Variants in UBE3D observed in about 807,000 individuals in gnomAD.
UBE3D encodes E3 ubiquitin-protein ligase E3D.
UBE3D carries 48 observed loss-of-function variants against 49.6 expected under a neutral mutation model. The ratio of observed to expected loss-of-function variants is 0.97; its 90% confidence interval spans 0.77 to 1.23. UBE3D has a LOEUF of 1.23. UBE3D is among the 50% of genes most tolerant of loss of function. The pLI is 0.00. For synonymous variants in UBE3D, 189 were observed against 174.2 expected, an observed-to-expected ratio of 1.08 and a Z score of -0.67; for missense variants, 452 against 468.4, an observed-to-expected ratio of 0.96 and a Z score of 0.32.
In UBE3D at chr6:82,892,829, C is replaced by T. The variant is rs1771034546; in HGVS notation, c.*193G>A. On this transcript the variant is annotated 3_prime_UTR_variant, in exon 10 of 10. Transcript: ENST00000369747. ...GACTTTCTTCACAGTCCTGGGTTTT[C>T]AAAGATCTAAAGTTAACTCTTCTCT... 3 of 669,826 alleles carry T rather than the reference C, an allele frequency of 4.5e-6. No homozygotes were observed. In the Admixed American group the frequency reaches 7.0e-5, roughly 16 times the overall value. 41.5% of individuals were successfully genotyped at this position (669,826 alleles called of 1,614,324 possible). A position where few individuals can be genotyped will look rare whatever the true frequency, so the allele number is the denominator to read the frequency against.
At position 82,979,713 on chromosome 6, in the gene UBE3D, A is replaced by G. The variant is rs186064984; in HGVS notation, c.1011-22263T>C. Among the ~76,000 whole-genome samples, 147 of 152,252 alleles carry G rather than the reference A, an allele frequency of 9.7e-4. 1 individual carries two copies. Among genetic ancestry groups the G allele is most frequent in the African/African-American group, 3.5e-3 (144 of 41,566 alleles). ...AGTGTATTCATCACCAAAATAATGT[A>G]CACTGTACAAATCAAGTAATTTCTC... On this transcript the variant is annotated intron_variant, in intron 8 of 9. Transcript: ENST00000369747.
chr6:82,923,027 T>A (rs536935792), intron 9 of UBE3D, among the ~76,000 whole-genome samples: 41 of 152,312 alleles, frequency 2.7e-4, no homozygotes, highest in African/African-American at 9.6e-4. Flanking sequence ...TCAAGCTAGT[T>A]AGAATGGCAA....
the UBE3D span, among the ~76,000 whole-genome samples, chr6:82,884,868 G>A: frequency 6.6e-6 from 1 of 152,172 alleles, no homozygotes; most frequent in Non-Finnish European, 1.5e-5. Context: ...AAGATTCCCG[G>A]TACTTTTGGA....
At chr6:82,963,589 T>G (rs1776706547) in intron 8 of UBE3D, among the ~76,000 whole-genome samples, 1 of 152,158 alleles carries the variant, frequency 6.6e-6, no homozygotes, top group South Asian at 2.1e-4. Context: ...GAGAAGCAGG[T>G]AGGCTGGGAG....
chr6:82,887,389 G>GTTTTTGTTTTGTTTTGTTTTTTTTTTTTT, the UBE3D span, among the ~76,000 whole-genome samples: 1 of 98,368 alleles, frequency 1.0e-5, no homozygotes, highest in African/African-American at 5.1e-5. Context: ...GACAGTAACA[G>GTTTTTGTTTTGTTTTGTTTTTTTTTTTTT]TTTTTTTTTT....
intron 8 of UBE3D, among the ~76,000 whole-genome samples, chr6:82,983,155 GT>G (rs5877831): frequency 0.83 from 111,931 of 134,800 alleles, 46,164 homozygotes; most frequent in East Asian, 0.92. Context: ...CTGGCTGAAA[GT>G]TTTTTTTTTT....
intron 8 of UBE3D, among the ~76,000 whole-genome samples, chr6:82,991,344 C>T (rs1159298006): frequency 6.6e-6 from 1 of 152,154 alleles, no homozygotes; most frequent in Non-Finnish European, 1.5e-5. Context: ...CCAAGGAACT[C>T]AATGATACCA....
At chr6:82,898,631 A>G (rs575427294) in intron 9 of UBE3D, among the ~76,000 whole-genome samples, 1 of 152,114 alleles carries the variant, frequency 6.6e-6, no homozygotes, top group East Asian at 1.9e-4. Context: ...GAACAATGAG[A>G]ACACATGGAC....
In UBE3D at chr6:83,044,429, A is replaced by T. The variant is rs1410052501; in HGVS notation, c.596T>A (p.Leu199Ter). ...ATTTATTTTGAAATGATATTTTACCAATTTACAATGGTTGTCAGAAGAAAC... is the reference window on the plus strand; with the variant it reads ...ATTTATTTTGAAATGATATTTTACCTATTTACAATGGTTGTCAGAAGAAAC... ...CCVSSDNHCKLEPKANTKVIC... is the reference protein window; with the variant it reads ...CCVSSDNHCK Residue 199 changes from leucine (L) to a stop codon, truncating the protein, a stop_gained and splice_region_variant, in exon 4 of 10, where the codon TTG (leucine) becomes TAG (stop). Coordinates refer to ENST00000369747, the MANE Select transcript of UBE3D (RefSeq NM_198920.3). LOFTEE classifies it high-confidence loss of function. The T allele has an allele frequency of 3.5e-5, 56 of 1,613,338 alleles. No homozygotes were observed. Among genetic ancestry groups the T allele is most frequent in the Non-Finnish European group, 4.7e-5 (56 of 1,179,516 alleles).
intron 9 of UBE3D, among the ~76,000 whole-genome samples, chr6:82,904,968 T>C (rs1389312852): frequency 6.6e-6 from 1 of 152,130 alleles, no homozygotes; most frequent in Non-Finnish European, 1.5e-5. Context: ...CTGGATTGTG[T>C]AGGGGGCGTC....
chr6:83,052,499 A>G (rs547055213), intron 3 of UBE3D, among the ~76,000 whole-genome samples: 4 of 152,306 alleles, frequency 2.6e-5, no homozygotes, highest in African/African-American at 9.6e-5. Context: ...GTAGGAGCCA[A>G]CGAGGGGGAG....
intron 9 of UBE3D, among the ~76,000 whole-genome samples, chr6:82,932,296 A>G (rs1341498347): frequency 6.6e-6 from 1 of 152,162 alleles, no homozygotes; most frequent in Non-Finnish European, 1.5e-5. Context: ...AATGCTTGGG[A>G]AGACTGACCC....
chr6:82,971,902 T>G (rs182404143), intron 8 of UBE3D, among the ~76,000 whole-genome samples: 1 of 152,208 alleles, frequency 6.6e-6, no homozygotes, highest in Non-Finnish European at 1.5e-5. Context: ...TTCAAAATGT[T>G]TGACGCTTTC....
At chr6:82,965,912 A>G (rs1450370328) in intron 8 of UBE3D, among the ~76,000 whole-genome samples, 2 of 152,188 alleles carry the variant, frequency 1.3e-5, no homozygotes, top group East Asian at 3.8e-4. Flanking sequence ...CCCAGACAAC[A>G]TATCATTCAT....
chr6:83,046,971 T>C lies in UBE3D; in HGVS notation c.366-2312A>G, dbSNP rs138128297. Among the ~76,000 whole-genome samples, 599 of 152,264 alleles carry C rather than the reference T, an allele frequency of 3.9e-3. 3 individuals are homozygous for C. The highest frequency in any genetic ancestry group is 0.014 in the African/African-American group (564 of 41,554). ...ATTAAGGGCATCATGGAAGAGACAA[T>C]ATGAAGGTAGATGCCATATATGTTT... On this transcript the variant is annotated intron_variant, in intron 3 of 9. Coordinates refer to ENST00000369747, the MANE Select transcript of UBE3D (RefSeq NM_198920.3).
At chr6:82,966,519 G>C (rs1053108862) in intron 8 of UBE3D, among the ~76,000 whole-genome samples, 1 of 119,028 alleles carries the variant, frequency 8.4e-6, no homozygotes, top group Non-Finnish European at 1.7e-5. Flanking sequence ...GCGTAGTGGC[G>C]GGCGCCTGTA....
At chr6:82,904,279 C>T (rs1372605055) in intron 9 of UBE3D, among the ~76,000 whole-genome samples, 1 of 152,038 alleles carries the variant, frequency 6.6e-6, no homozygotes, top group South Asian at 2.1e-4. Context: ...CAAGGACCTG[C>T]CAAACGTCAT....
At chr6:82,911,705 A>G (rs1389499230) in intron 9 of UBE3D, among the ~76,000 whole-genome samples, 1 of 152,220 alleles carries the variant, frequency 6.6e-6, no homozygotes, top group Non-Finnish European at 1.5e-5. Context: ...GCTGCCTTCT[A>G]AATAATGAAT....
chr6:83,025,854 G>T (rs1313454247), intron 5 of UBE3D, among the ~76,000 whole-genome samples: 1 of 132,438 alleles, frequency 7.6e-6, no homozygotes, highest in African/African-American at 2.9e-5. Context: ...CTGCACTCCA[G>T]CCTGGGCGAC....
Sources: allele counts gnomAD v4.1 joint callset (sites outside exome capture counted in the v4.1 genomes callset), GRCh38; gene constraint gnomAD v4.1.1; transcripts MANE v1.5; gene names NCBI Gene and HGNC (gene_info 2026-07-23, HGNC 2026-07-21).